The following MAGI1 variants were observed in gnomAD, a reference collection of about 807,000 sequenced individuals.
The protein encoded by MAGI1 is membrane associated guanylate kinase, WW and PDZ domain containing 1, also known as membrane-associated guanylate kinase, WW and PDZ domain-containing protein 1.
A neutral mutation model predicts 139.9 loss-of-function variants in MAGI1; 58 were observed. The ratio of observed to expected loss-of-function variants is 0.41; its 90% CI spans 0.34 to 0.52. The LOEUF is 0.52. Among genes scored for constraint, MAGI1 ranks in the 20% least tolerant of loss-of-function variants. MAGI1 has a pLI of 0.12. For synonymous variants in MAGI1, 812 were observed against 737.9 expected, an observed-to-expected ratio of 1.10 and a Z score of -1.63; for missense variants, 1,874 against 1,901.6, an observed-to-expected ratio of 0.99 and a Z score of 0.27.
chr3:65,983,930 T>C (rs1481719552), intron 1 of MAGI1, among the ~76,000 whole-genome samples: 1 of 152,226 alleles, frequency 6.6e-6, no homozygotes, highest in African/African-American at 2.4e-5. Context: ...CTTGAAGTCG[T>C]ACCTAGCACC....
chr3:65,719,474 A>G (rs948525339), intron 1 of MAGI1, among the ~76,000 whole-genome samples: 1 of 151,996 alleles, frequency 6.6e-6, no homozygotes, highest in African/African-American at 2.4e-5. Flanking sequence ...TATATAAATA[A>G]ATATTCATCT....
chr3:65,660,142 G>A (rs1453025337), intron 1 of MAGI1, among the ~76,000 whole-genome samples: 1 of 152,138 alleles, frequency 6.6e-6, no homozygotes, highest in Non-Finnish European at 1.5e-5. Context: ...AGAGGTAAAG[G>A]TAAAGTTCAT....
At chr3:65,945,291 G>T (rs980949180) in intron 1 of MAGI1, among the ~76,000 whole-genome samples, 1 of 152,160 alleles carries the variant, frequency 6.6e-6, no homozygotes, top group Non-Finnish European at 1.5e-5. Flanking sequence ...TGTCATGAGG[G>T]TTTGATGTAC....
chr3:65,845,185 C>T (rs958732437), intron 1 of MAGI1, among the ~76,000 whole-genome samples: 15 of 151,002 alleles, frequency 9.9e-5, no homozygotes, highest in East Asian at 7.8e-4. Flanking sequence ...CAGGAGGCGG[C>T]GGTTGCAGTG....
At chr3:65,603,881 G>A (rs1173842504) in intron 2 of MAGI1, among the ~76,000 whole-genome samples, 3 of 152,084 alleles carry the variant, frequency 2.0e-5, no homozygotes, top group African/African-American at 7.2e-5. Context: ...ACAGAAGACT[G>A]GAAGAAAGGA....
intron 1 of MAGI1, among the ~76,000 whole-genome samples, chr3:65,753,879 A>G (rs1022497874): frequency 2.0e-5 from 3 of 152,100 alleles, no homozygotes; most frequent in Admixed American, 2.0e-4. Context: ...GGAAAAGCAG[A>G]AGGGCCCAGA....
intron 1 of MAGI1, among the ~76,000 whole-genome samples, chr3:65,674,290 G>A (rs1351020158): frequency 6.6e-5 from 10 of 152,130 alleles, no homozygotes; most frequent in African/African-American, 1.4e-4. Context: ...CAGAGAAGCC[G>A]ATCTCAGCCC....
At position 65,924,729 on chromosome 3, in the gene MAGI1, G is replaced by T. The variant is rs544193528; in HGVS notation, c.313+113267C>A. Reference sequence around the variant, plus strand: ...CCCACATCCCACACTGCCCCTCGCTGCTCCATGCTTCAGTTTTCTTATATA... The same window carrying T: ...CCCACATCCCACACTGCCCCTCGCTTCTCCATGCTTCAGTTTTCTTATATA... On this transcript the variant is annotated intron_variant, in intron 1 of 22. Coordinates refer to ENST00000402939, the MANE Select transcript of MAGI1 (RefSeq NM_001033057.2). Among the ~76,000 whole-genome samples, 2 of 152,240 alleles carry T rather than the reference G, an allele frequency of 1.3e-5. No individual in the cohort carries two copies. Among genetic ancestry groups the T allele is most frequent in the Non-Finnish European group, 2.9e-5 (2 of 68,024 alleles).
intron 1 of MAGI1, among the ~76,000 whole-genome samples, chr3:66,018,517 A>C (rs971093625): frequency 6.6e-6 from 1 of 152,188 alleles, no homozygotes; most frequent in African/African-American, 2.4e-5. Flanking sequence ...GCAAGTGATC[A>C]AGGTCACACA....
At chr3:65,471,790 T>C (rs1432079226) in intron 4 of MAGI1, among the ~76,000 whole-genome samples, 1 of 152,192 alleles carries the variant, frequency 6.6e-6, no homozygotes, top group Non-Finnish European at 1.5e-5. Flanking sequence ...CAAATTTGAA[T>C]GTCAGACATG....
chr3:65,806,689 T>C (rs1292574998), intron 1 of MAGI1, among the ~76,000 whole-genome samples: 1 of 152,208 alleles, frequency 6.6e-6, no homozygotes, highest in East Asian at 1.9e-4. Flanking sequence ...TCAATATCAA[T>C]TTACTGATAC....
At chr3:65,715,889 A>G (rs920494396) in intron 1 of MAGI1, among the ~76,000 whole-genome samples, 6 of 152,230 alleles carry the variant, frequency 3.9e-5, no homozygotes, top group African/African-American at 1.4e-4. Flanking sequence ...TTGTAAATTT[A>G]GTAAACCAAA....
rs374659053 is a variant in MAGI1 at position 65,570,965 on chromosome 3, G to A, written c.430+51007C>T. 1.8e-4 allele frequency among the ~76,000 whole-genome samples: 28 copies of A among 152,312 alleles called. No individual in the cohort carries two copies. The East Asian group carries it at 3.7e-3, about 20-fold the overall frequency. Reference sequence around the variant, plus strand: ...ACACTCAATTTTGCCAATGGTATCTGTAGAAACGGAGGCTTACATTTTTTT... The same window carrying A: ...ACACTCAATTTTGCCAATGGTATCTATAGAAACGGAGGCTTACATTTTTTT... On this transcript the variant is annotated intron_variant, in intron 2 of 22. Transcript: ENST00000402939.
intron 2 of MAGI1, among the ~76,000 whole-genome samples, chr3:65,589,239 A>G (rs1175376568): frequency 1.3e-5 from 2 of 152,222 alleles, no homozygotes; most frequent in African/African-American, 4.8e-5. Flanking sequence ...CTATATTTTT[A>G]TATATTAACA....
At chr3:65,922,027 G>T (rs1309353588) in intron 1 of MAGI1, among the ~76,000 whole-genome samples, 1 of 152,004 alleles carries the variant, frequency 6.6e-6, no homozygotes, top group African/African-American at 2.4e-5. Context: ...AATTATAGGA[G>T]TGTATCAAGT....
chr3:65,851,833 C>G (rs2059214158), intron 1 of MAGI1, among the ~76,000 whole-genome samples: 1 of 151,954 alleles, frequency 6.6e-6, no homozygotes, highest in Non-Finnish European at 1.5e-5. Context: ...AATATACAGG[C>G]AGAAGTCGAA....
intron 1 of MAGI1, among the ~76,000 whole-genome samples, chr3:65,798,635 T>C (rs1412977032): frequency 9.7e-6 from 1 of 103,300 alleles, no homozygotes; most frequent in East Asian, 3.4e-4. Flanking sequence ...CCCAGGAGCT[T>C]TGTGAACTGA....
intron 2 of MAGI1, among the ~76,000 whole-genome samples, chr3:65,580,086 T>C (rs894655098): frequency 6.6e-6 from 1 of 152,126 alleles, no homozygotes; most frequent in Non-Finnish European, 1.5e-5. Flanking sequence ...AAACATTTCC[T>C]GAACAAGTTT....
intron 1 of MAGI1, among the ~76,000 whole-genome samples, chr3:65,853,231 T>G (rs973118070): frequency 3.9e-5 from 6 of 152,174 alleles, no homozygotes; most frequent in African/African-American, 1.4e-4. Flanking sequence ...CTTTGTTAAT[T>G]CATAACTCAA....
Sources: allele counts gnomAD v4.1 joint callset (sites outside exome capture counted in the v4.1 genomes callset), GRCh38; gene constraint gnomAD v4.1.1; transcripts MANE v1.5; gene names NCBI Gene and HGNC (gene_info 2026-07-23, HGNC 2026-07-21).